The following AGMO variants were observed in gnomAD, a reference collection of about 807,000 sequenced individuals.
The protein encoded by AGMO is alkylglycerol monooxygenase, also known as glyceryl-ether monooxygenase.
In AGMO, 75 loss-of-function variants were observed where a neutral mutation model predicts 60.2. The observed-to-expected ratio is 1.25, with a 90% CI of 1.03 to 1.51. AGMO has a LOEUF of 1.51. Ranked by LOEUF, AGMO falls within the 40% of genes most tolerant of loss-of-function variation. The pLI is 0.00. For synonymous variants in AGMO, 261 were observed against 177.1 expected (o/e 1.47, Z -3.76); for missense variants, 763 against 525.5 (o/e 1.45, Z -4.42).
At chr7:15,152,588 T>C in the AGMO span, among the ~76,000 whole-genome samples, 1 of 152,184 alleles carries the variant, frequency 6.6e-6, no homozygotes, top group Non-Finnish European at 1.5e-5. Context: ...AGTGAGAATA[T>C]ATGATGTTTG....
In AGMO at chr7:15,247,126, A is replaced by G. The variant is rs1235202568; in HGVS notation, c.1264-45767T>C. ...AGCCTGAAAAAAATTTATTTATTAGAACATTCATCTCACAGCACTGGTTAT... is the reference window on the plus strand; with the variant it reads ...AGCCTGAAAAAAATTTATTTATTAGGACATTCATCTCACAGCACTGGTTAT... On this transcript the variant is annotated intron_variant, in intron 12 of 12. Coordinates refer to ENST00000342526, the MANE Select transcript of AGMO (RefSeq NM_001004320.2). Among the ~76,000 whole-genome samples, 3 of 152,180 alleles carry G rather than the reference A, an allele frequency of 2.0e-5. No homozygotes were observed. In the South Asian group the frequency reaches 6.2e-4, roughly 32 times the overall value.
intron 12 of AGMO, among the ~76,000 whole-genome samples, chr7:15,287,265 A>G (rs938677500): frequency 1.3e-5 from 2 of 152,192 alleles, no homozygotes; most frequent in African/African-American, 4.8e-5. Flanking sequence ...CATGGGCAAA[A>G]ATTAATAGAA....
chr7:15,353,905 C>G (rs1782351508), intron 12 of AGMO, among the ~76,000 whole-genome samples: 1 of 152,060 alleles, frequency 6.6e-6, no homozygotes, highest in African/African-American at 2.4e-5. Flanking sequence ...GCATAGAAAA[C>G]TATCATGTAT....
At chr7:15,285,027 A>G (rs1784064112) in intron 12 of AGMO, among the ~76,000 whole-genome samples, 1 of 152,108 alleles carries the variant, frequency 6.6e-6, no homozygotes, top group Admixed American at 6.5e-5. Flanking sequence ...AAAATCTAGC[A>G]TCACTGTATG....
chr7:15,560,113 G>T, intron 2 of AGMO, 28 bp downstream of exon 2: 1 of 1,559,544 alleles, frequency 6.4e-7, no homozygotes, highest in Non-Finnish European at 8.7e-7. Flanking sequence ...CAGTTTTTAT[G>T]CTCAGCGTTG....
intron 10 of AGMO, among the ~76,000 whole-genome samples, chr7:15,378,659 G>A (rs1423001588): frequency 6.6e-6 from 1 of 151,766 alleles, no homozygotes; most frequent in Non-Finnish European, 1.5e-5. Context: ...ACAAAGATAT[G>A]CAGCACCTGA....
Position 15,217,344 on chromosome 7 carries a change from A to G in AGMO, c.1264-15985T>C, listed in dbSNP as rs144220647. On this transcript the variant is annotated intron_variant, in intron 12 of 12. Coordinates refer to ENST00000342526, the MANE Select transcript of AGMO (RefSeq NM_001004320.2). ...TAAAAATTTAAATGCATGAACACATACATAATCTCTCTCTCTCTCTGTGTG... is the reference window on the plus strand; with the variant it reads ...TAAAAATTTAAATGCATGAACACATGCATAATCTCTCTCTCTCTCTGTGTG... 6.8e-3 allele frequency among the ~76,000 whole-genome samples: 1,017 copies of G among 149,278 alleles called. 15 individuals are homozygous for G. The highest frequency in any genetic ancestry group is 0.023 in the African/African-American group (951 of 40,496).
intron 12 of AGMO, among the ~76,000 whole-genome samples, chr7:15,362,442 TA>T (rs1782802973): frequency 6.6e-6 from 1 of 152,190 alleles, no homozygotes; most frequent in Non-Finnish European, 1.5e-5. Flanking sequence ...TTAATAATAA[TA>T]ATAGTAACAC....
At chr7:15,302,725 T>G (rs1313973255) in intron 12 of AGMO, among the ~76,000 whole-genome samples, 1 of 152,124 alleles carries the variant, frequency 6.6e-6, no homozygotes, top group African/African-American at 2.4e-5. Context: ...GAAGCCTTTT[T>G]GTTTTGTTTT....
chr7:15,424,878 T>C (rs537697275), intron 4 of AGMO, among the ~76,000 whole-genome samples: 13 of 152,360 alleles, frequency 8.5e-5, no homozygotes, highest in Non-Finnish European at 1.6e-4. Flanking sequence ...AAGTTGTTAG[T>C]TTCTTGTATC....
At chr7:15,431,340 TTA>T (rs1233033021) in intron 3 of AGMO, among the ~76,000 whole-genome samples, 2 of 152,024 alleles carry the variant, frequency 1.3e-5, no homozygotes, top group East Asian at 3.9e-4. Context: ...TATGTATAGT[TTA>T]TATGTTATAA....
At chr7:15,299,522 G>T (rs1784498817) in intron 12 of AGMO, among the ~76,000 whole-genome samples, 1 of 152,006 alleles carries the variant, frequency 6.6e-6, no homozygotes, top group Admixed American at 6.6e-5. Context: ...TGTGTTTCAT[G>T]GATTGGAAGT....
chr7:15,476,917 G>T (rs1417054492), intron 3 of AGMO, among the ~76,000 whole-genome samples: 1 of 152,034 alleles, frequency 6.6e-6, no homozygotes, highest in Non-Finnish European at 1.5e-5. Context: ...TACCTTGCTT[G>T]CTAGTTGATC....
chr7:15,390,328 C>T (rs1784084341), intron 8 of AGMO, among the ~76,000 whole-genome samples: 1 of 152,270 alleles, frequency 6.6e-6, no homozygotes, highest in Middle Eastern at 3.4e-3. Flanking sequence ...AAATATTTTT[C>T]TTACTGCGGG....
intron 5 of AGMO, among the ~76,000 whole-genome samples, chr7:15,418,276 CTG>C (rs1287949439): frequency 6.6e-6 from 1 of 151,804 alleles, no homozygotes; most frequent in Non-Finnish European, 1.5e-5. Flanking sequence ...GTTTAATAAA[CTG>C]TAATACAGGA....
chr7:15,159,101 C>T, the AGMO span, among the ~76,000 whole-genome samples: 1 of 152,130 alleles, frequency 6.6e-6, no homozygotes, highest in Non-Finnish European at 1.5e-5. Flanking sequence ...TGATTATATT[C>T]TCTTTGTATT....
chr7:15,455,835 T>G, intron 3 of AGMO, among the ~76,000 whole-genome samples: 1 of 152,074 alleles, frequency 6.6e-6, no homozygotes, highest in Admixed American at 6.6e-5. Context: ...AGCTGCTAGT[T>G]TACGTTTCTA....
chr7:15,262,613 C>T (rs186293307), intron 12 of AGMO, among the ~76,000 whole-genome samples: 29 of 151,780 alleles, frequency 1.9e-4, no homozygotes, highest in Non-Finnish European at 3.5e-4. Context: ...AAAAAAAAAT[C>T]CAAAAATTCA....
At chr7:15,301,074 C>A (rs1784548855) in intron 12 of AGMO, among the ~76,000 whole-genome samples, 1 of 152,168 alleles carries the variant, frequency 6.6e-6, no homozygotes, top group Admixed American at 6.5e-5. Context: ...GAAATCTTTT[C>A]TATATTTATA....
Sources: gnomAD v4.1 joint callset for allele counts (sites outside exome capture counted in the v4.1 genomes callset) on GRCh38, gnomAD v4.1.1 for gene constraint, MANE v1.5 for transcripts, NCBI Gene and HGNC (gene_info 2026-07-23, HGNC 2026-07-21) for gene names.